GRM4: variants seen among roughly 807,000 people sequenced by gnomAD.
The protein encoded by GRM4 is glutamate metabotropic receptor 4.
In GRM4, 28 loss-of-function variants were observed where a neutral mutation model predicts 81.7. The observed-to-expected ratio is 0.34, with a 90% CI of 0.25 to 0.47. GRM4 has a LOEUF of 0.47. Among genes scored for constraint, GRM4 ranks in the 20% least tolerant of loss-of-function variants. The pLI is 1.00. For synonymous variants in GRM4, 488 were observed against 528.8 expected (o/e 0.92, Z 1.06); for missense variants, 948 against 1,290.0 (o/e 0.73, Z 4.06).
At chr6:34,125,710 G>A (rs1450177444) in intron 2 of GRM4, among the ~76,000 whole-genome samples, 1 of 152,232 alleles carries the variant, frequency 6.6e-6, no homozygotes, top group Non-Finnish European at 1.5e-5. Context: ...CAATGCCAGG[G>A]TTCCCCTCCT....
intron 3 of GRM4, among the ~76,000 whole-genome samples, chr6:34,086,072 G>C (rs1424498439): frequency 6.6e-6 from 1 of 152,246 alleles, no homozygotes; most frequent in Non-Finnish European, 1.5e-5. Context: ...AGAGTGAGGA[G>C]AGGCAGCGGA....
chr6:34,029,728 T>G (rs1764320099), intron 9 of GRM4, among the ~76,000 whole-genome samples: 1 of 152,188 alleles, frequency 6.6e-6, no homozygotes, highest in African/African-American at 2.4e-5. Flanking sequence ...CATGTGAAAC[T>G]TGCTTTTAGT....
intron 6 of GRM4, among the ~76,000 whole-genome samples, chr6:34,049,257 C>T (rs1009032202): frequency 1.3e-5 from 2 of 152,078 alleles, no homozygotes; most frequent in Non-Finnish European, 1.5e-5. Flanking sequence ...ATACAATGGC[C>T]CCGTCCAGCC....
chr6:34,105,544 T>C (rs141162389), intron 2 of GRM4, among the ~76,000 whole-genome samples: 34 of 152,144 alleles, frequency 2.2e-4, no homozygotes, highest in African/African-American at 8.0e-4. Context: ...TCCTGCCTCC[T>C]CTCCCTGATC....
chr6:34,044,779 T>TACACAC (rs1304028420), intron 6 of GRM4, among the ~76,000 whole-genome samples: 1 of 113,468 alleles, frequency 8.8e-6, no homozygotes, highest in Non-Finnish European at 1.8e-5. Flanking sequence ...GACATACACA[T>TACACAC]ACACACACAG....
rs573897815 is a variant in GRM4 at position 34,036,398 on chromosome 6, G to A, written c.1712C>T (p.Thr571Met). The change falls in exon 9 of 11, where the codon ACG becomes ATG. Residue 571 changes from threonine (T) to methionine (M), a missense_variant. Thr to Met is a moderately conservative substitution (Grantham distance 81). Transcript: ENST00000538487. The surrounding 1 kb of genome is among the most constrained non-coding windows in gnomAD (Gnocchi z 9.0). Reference protein sequence around the residue: ...PYDMRPTENRTGCRPIPIIKL... With the variant: ...PYDMRPTENRMGCRPIPIIKL... ...GATGATGGGGATGGGCCGGCAGCCCGTGCGGTTCTCTGTGGGCCGCATGTC... is the reference window on the plus strand; with the variant it reads ...GATGATGGGGATGGGCCGGCAGCCCATGCGGTTCTCTGTGGGCCGCATGTC... The A allele has an allele frequency of 3.1e-5, 50 of 1,611,930 alleles. No individual in the cohort carries two copies. The East Asian group carries it at 3.1e-4, about 10-fold the overall frequency.
Position 34,040,162 on chromosome 6 carries a change from C to G in GRM4, c.1506+16G>C. ...GCGTGAGTCACTCTCCACCCACTCC[C>G]TGCCCTCCCACTTACTCTAAGGTGC... is the stretch of plus-strand genomic sequence containing the variant. On this transcript the variant is annotated intron_variant, in intron 8 of 10. Coordinates refer to ENST00000538487, the MANE Select transcript of GRM4 (RefSeq NM_000841.4). 2 of 1,612,884 alleles carry G rather than the reference C, an allele frequency of 1.2e-6. No individual in the cohort carries two copies. The highest frequency in any genetic ancestry group is 1.7e-6 in the Non-Finnish European group (2 of 1,179,004).
At chr6:34,087,800 A>ACACACAC (rs1767989515) in intron 3 of GRM4, among the ~76,000 whole-genome samples, 1 of 8,196 alleles carries the variant, frequency 1.2e-4, no homozygotes, top group Non-Finnish European at 2.7e-4. Context: ...ATGCACCCCT[A>ACACACAC]CACACACACA....
At chr6:34,072,363 C>T (rs1766960283) in intron 3 of GRM4, among the ~76,000 whole-genome samples, 1 of 148,318 alleles carries the variant, frequency 6.7e-6, no homozygotes, top group Non-Finnish European at 1.5e-5. Context: ...CACACACATC[C>T]TTACATCACC....
In GRM4 at chr6:34,074,157, A is replaced by G. The variant is rs1487239247; in HGVS notation, c.737-12129T>C. On this transcript the variant is annotated intron_variant, in intron 3 of 10. Transcript: ENST00000538487. The surrounding 1 kb of genome is among the most constrained non-coding windows in gnomAD (Gnocchi z 4.9). ...AAGAAGAGGGGGACACAGACATACG[A>G]CAGCCAGACTAGTGTGATATGAGGA... Among the ~76,000 whole-genome samples the G allele has an allele frequency of 2.6e-5, 4 of 151,882 alleles. No homozygotes were observed. The highest frequency in any genetic ancestry group is 9.7e-5 in the African/African-American group (4 of 41,342).
chr6:34,116,215 G>A (rs984584525), intron 2 of GRM4, among the ~76,000 whole-genome samples: 9 of 152,168 alleles, frequency 5.9e-5, no homozygotes, highest in African/African-American at 1.7e-4. Flanking sequence ...AATGAGCACC[G>A]GCTTCAGGGA....
intron 2 of GRM4, among the ~76,000 whole-genome samples, chr6:34,095,863 T>G (rs1175957249): frequency 1.3e-5 from 2 of 152,128 alleles, no homozygotes; most frequent in East Asian, 1.9e-4. Context: ...CCGCCACAGG[T>G]GGGCAGGGAG....
At chr6:34,058,891 G>T in intron 5 of GRM4, 83 bp downstream of exon 5, 1 of 1,048,956 alleles carries the variant, frequency 9.5e-7, no homozygotes, top group Non-Finnish European at 1.4e-6. Flanking sequence ...AAGAGGCGGA[G>T]CAGAAGGGGA....
At chr6:34,087,137 G>A (rs1581677261) in intron 3 of GRM4, among the ~76,000 whole-genome samples, 3 of 145,604 alleles carry the variant, frequency 2.1e-5, no homozygotes. Flanking sequence ...AAAAAAAAAA[G>A]GCCAGGCATG....
chr6:34,145,479 G>A (rs371060790), intron 1 of GRM4, among the ~76,000 whole-genome samples: 2 of 152,230 alleles, frequency 1.3e-5, no homozygotes, highest in African/African-American at 4.8e-5. Flanking sequence ...GGAGCGGAGC[G>A]GGAGCGACCA....
chr6:34,096,427 T>G (rs538377866), intron 2 of GRM4, among the ~76,000 whole-genome samples: 1 of 152,242 alleles, frequency 6.6e-6, no homozygotes, highest in Admixed American at 6.5e-5. Flanking sequence ...CCCACAGCAC[T>G]GAATGCGGCT....
chr6:34,056,614 C>A lies in GRM4; in HGVS notation c.1098G>T (p.Trp366Cys). The A allele has an allele frequency of 6.2e-7, 1 of 1,613,738 alleles. No individual in the cohort carries two copies. Residue 366 changes from tryptophan (W) to cysteine (C), a missense_variant, in exon 6 of 11, where the codon TGG becomes TGT. By Grantham distance (215) the Trp-to-Cys change is radical (BLOSUM62 -2). Transcript: ENST00000538487. ...TCAGCTTGCAGTGGAAGTTGTCCTC[C>A]CAGAACTCGGCAAACCAGATGTTGC... is the stretch of plus-strand genomic sequence containing the variant. ...NRRNIWFAEF[W>C]EDNFHCKLSR...
rs200716598 is a variant in GRM4 at position 34,036,584 on chromosome 6, G to A, written c.1526C>T (p.Pro509Leu). 1.3e-5 allele frequency: 21 copies of A among 1,579,526 alleles called. No individual in the cohort carries two copies. The highest frequency in any genetic ancestry group is 5.4e-5 in the African/African-American group (4 of 74,496). Residue 509 changes from proline to leucine, a missense_variant, in exon 9 of 11, where the codon CCG (proline) becomes CTG (leucine). Coordinates refer to ENST00000538487, the MANE Select transcript of GRM4 (RefSeq NM_000841.4). This position sits in a 1 kb window ranked among gnomAD's most constrained non-coding sequence, Gnocchi z 9.0. Reference sequence around the variant, plus strand: ...GCGGGGCAGCTGCTGCCCGCTCCCCGGCCAGTGCATCCGCTCTATCTGGCA... The same window carrying A: ...GCGGGGCAGCTGCTGCCCGCTCCCCAGCCAGTGCATCCGCTCTATCTGGCA... Reference protein sequence around the residue: ...LHLRIERMHWPGSGQQLPRSI... With the variant: ...LHLRIERMHWLGSGQQLPRSI...
At chr6:34,051,471 A>C (rs1273748507) in intron 6 of GRM4, among the ~76,000 whole-genome samples, 1 of 152,140 alleles carries the variant, frequency 6.6e-6, no homozygotes, top group East Asian at 1.9e-4. Context: ...CTGAGCTCCC[A>C]GCCCCTGTGT....
Sources: gnomAD v4.1 joint callset for allele counts (sites outside exome capture counted in the v4.1 genomes callset) on GRCh38, gnomAD v4.1.1 for gene constraint, Gnocchi (gnomAD v3.1) non-coding constraint, MANE v1.5 for transcripts, NCBI Gene and HGNC (gene_info 2026-07-23, HGNC 2026-07-21) for gene names.